The following ANO6 variants were observed in gnomAD, a reference collection of about 807,000 sequenced individuals.
ANO6 encodes the protein anoctamin 6, also known as anoctamin-6.
In ANO6, 106 loss-of-function variants were observed where a neutral mutation model predicts 117.5. The observed-to-expected ratio is 0.90, with a 90% CI of 0.77 to 1.06. ANO6 has a LOEUF of 1.06. Ranked by LOEUF, ANO6 falls within the 50% of genes least tolerant of loss-of-function variation. ANO6 has a pLI of 0.00. For missense variants in ANO6, 955 were observed against 1,121.1 expected (o/e 0.85, Z 2.12); for synonymous variants, 367 against 385.1 (o/e 0.95, Z 0.55).
chr12:45,231,175 TG>T (rs1393542082), intron 1 of ANO6, among the ~76,000 whole-genome samples: 2 of 152,200 alleles, frequency 1.3e-5, no homozygotes, highest in Non-Finnish European at 2.9e-5. Flanking sequence ...CCTTAAGTAT[TG>T]TTAAAGTTTG....
At chr12:45,271,203 T>C (rs1938385088) in intron 1 of ANO6, among the ~76,000 whole-genome samples, 1 of 152,214 alleles carries the variant, frequency 6.6e-6, no homozygotes, top group Non-Finnish European at 1.5e-5. Flanking sequence ...ACTCAAGCTA[T>C]GTACAACATC....
At chr12:45,398,701 A>G (rs1942698710) in intron 12 of ANO6, among the ~76,000 whole-genome samples, 1 of 152,192 alleles carries the variant, frequency 6.6e-6, no homozygotes, top group Non-Finnish European at 1.5e-5. Flanking sequence ...ATGAGAAAGT[A>G]TGGTCATGAA....
intron 7 of ANO6, among the ~76,000 whole-genome samples, chr12:45,354,934 A>G (rs1456153753): frequency 6.6e-6 from 1 of 152,238 alleles, no homozygotes; most frequent in African/African-American, 2.4e-5. Context: ...CTTAATCCAC[A>G]TCTTCCAGAA....
At chr12:45,232,834 C>T (rs1944558377) in intron 1 of ANO6, among the ~76,000 whole-genome samples, 1 of 152,200 alleles carries the variant, frequency 6.6e-6, no homozygotes, top group Admixed American at 6.5e-5. Flanking sequence ...TTCATTCTTT[C>T]TTTGCATTTC....
chr12:45,229,449 G>C (rs969649897), intron 1 of ANO6, among the ~76,000 whole-genome samples: 3 of 147,206 alleles, frequency 2.0e-5, no homozygotes, highest in African/African-American at 7.6e-5. Flanking sequence ...GAGTGCAATG[G>C]CGTGATCTCA....
In ANO6 at chr12:45,277,493, G is replaced by C. The variant is rs147245321; in HGVS notation, c.71-24521G>C. 2.9e-3 allele frequency among the ~76,000 whole-genome samples: 436 copies of C among 152,240 alleles called. 1 individual carries two copies. Among genetic ancestry groups the C allele is most frequent in the African/African-American group, 9.6e-3 (399 of 41,538 alleles). ...GTCTTTAGACCTCAGCCGAGTGAGGGATTCCTTTTCACCACCATCCTGAGA... is the reference window on the plus strand; with the variant it reads ...GTCTTTAGACCTCAGCCGAGTGAGGCATTCCTTTTCACCACCATCCTGAGA... On this transcript the variant is annotated intron_variant, in intron 1 of 19. Transcript: ENST00000320560.
At position 45,346,883 on chromosome 12, in the gene ANO6, TTTGC is replaced by T. The variant is rs375492755; in HGVS notation, c.280-135_280-132del. 95 of 744,574 alleles carry T rather than the reference TTTGC, an allele frequency of 1.3e-4. No individual in the cohort carries two copies. The East Asian group carries it at 2.0e-3, about 15-fold the overall frequency. 46.1% of individuals were successfully genotyped at this position (744,574 alleles called of 1,614,324 possible). A position where few individuals can be genotyped will look rare whatever the true frequency, so the allele number is the denominator to read the frequency against. On this transcript the variant is annotated intron_variant, in intron 3 of 19. Coordinates refer to ENST00000320560, the MANE Select transcript of ANO6 (RefSeq NM_001025356.3). The stretch of plus-strand genomic sequence containing the variant: ...GAGCTGCTTCATTTCTTCTATTCCA[TTTGC>T]TTGACCAAATGCTGATGCATTTCTT...
At chr12:45,359,878 GTGAC>G (rs1941509493) in intron 8 of ANO6, among the ~76,000 whole-genome samples, 1 of 152,204 alleles carries the variant, frequency 6.6e-6, no homozygotes, top group South Asian at 2.1e-4. Flanking sequence ...ATTTTCCAAA[GTGAC>G]TGCATATTCC....
At chr12:45,235,574 T>A (rs12822746) in intron 1 of ANO6, among the ~76,000 whole-genome samples, 17,896 of 152,166 alleles carry the variant, frequency 0.12, 1,515 homozygotes, top group East Asian at 0.3. Flanking sequence ...GCATGACATC[T>A]GAGCAGAACT....
At chr12:45,219,503 ATTTTTTT>A (rs59216107) in intron 1 of ANO6, among the ~76,000 whole-genome samples, 1 of 119,670 alleles carries the variant, frequency 8.4e-6, no homozygotes, top group African/African-American at 3.2e-5. Context: ...TGCCTGGCCA[ATTTTTTT>A]TTTTTTTTTT....
intron 18 of ANO6, 101 bp downstream of exon 18, chr12:45,421,374 T>C (rs1433393350): frequency 8.0e-7 from 1 of 1,243,588 alleles, no homozygotes; most frequent in African/African-American, 1.5e-5. Flanking sequence ...TTTTATTTCT[T>C]TATAACTTCA....
chr12:45,338,777 TCTTG>T (rs1940897562), intron 3 of ANO6, among the ~76,000 whole-genome samples: 1 of 152,090 alleles, frequency 6.6e-6, no homozygotes, highest in South Asian at 2.1e-4. Context: ...TGAATCCAAT[TCTTG>T]CTTCTTATTT....
At chr12:45,405,467 T>C (rs982137059) in intron 15 of ANO6, among the ~76,000 whole-genome samples, 2 of 152,250 alleles carry the variant, frequency 1.3e-5, no homozygotes, top group East Asian at 1.9e-4. Flanking sequence ...TACAGTGATA[T>C]GAACTTTGCC....
At chr12:45,265,693 C>T (rs777206037) in intron 1 of ANO6, among the ~76,000 whole-genome samples, 55 of 152,172 alleles carry the variant, frequency 3.6e-4, no homozygotes, top group Non-Finnish European at 5.9e-4. Flanking sequence ...TCACTGCTGG[C>T]CCCATCATGT....
chr12:45,226,236 C>T (rs1222292758), intron 1 of ANO6, among the ~76,000 whole-genome samples: 2 of 152,162 alleles, frequency 1.3e-5, no homozygotes, highest in Non-Finnish European at 2.9e-5. Context: ...TATTATTGCC[C>T]TGGCTACATG....
At chr12:45,314,543 CACATATATGTGTACATAT>C (rs1939957840) in intron 2 of ANO6, among the ~76,000 whole-genome samples, 2 of 150,258 alleles carry the variant, frequency 1.3e-5, no homozygotes, top group Non-Finnish European at 3.0e-5. Context: ...TATATATATA[CACATATATGTGTACATAT>C]ACATATATGT....
chr12:45,238,133 G>C (rs1180446533), intron 1 of ANO6, among the ~76,000 whole-genome samples: 1 of 150,988 alleles, frequency 6.6e-6, no homozygotes, highest in African/African-American at 2.4e-5. Flanking sequence ...GAGATGATGG[G>C]GTTTTCTTTT....
chr12:45,295,630 C>T (rs968805894), intron 1 of ANO6, among the ~76,000 whole-genome samples: 10 of 152,092 alleles, frequency 6.6e-5, no homozygotes, highest in East Asian at 3.9e-4. Context: ...GGCCCAATTT[C>T]GGCTCACTGC....
At chr12:45,337,448 G>A (rs1014537172) in intron 3 of ANO6, among the ~76,000 whole-genome samples, 9 of 151,958 alleles carry the variant, frequency 5.9e-5, no homozygotes, top group African/African-American at 2.2e-4. Context: ...CACCTTCTAG[G>A]TTTGTGTATG....
Sources: allele counts gnomAD v4.1 joint callset (sites outside exome capture counted in the v4.1 genomes callset), GRCh38; gene constraint gnomAD v4.1.1; transcripts MANE v1.5; gene names NCBI Gene and HGNC (gene_info 2026-07-23, HGNC 2026-07-21).